GLB1L2: variants seen among roughly 807,000 people sequenced by gnomAD.
GLB1L2 encodes the protein galactosidase beta 1 like 2.
GLB1L2 carries 68 observed loss-of-function variants against 84.1 expected under a neutral mutation model. The observed-to-expected ratio is 0.81, with a 90% CI of 0.67 to 0.99. The LOEUF (loss-of-function observed/expected upper bound fraction) is 0.99. Among genes scored for constraint, GLB1L2 ranks in the 50% least tolerant of loss-of-function variants. GLB1L2 has a pLI of 0.00. For missense variants in GLB1L2, 762 were observed against 805.6 expected, an observed-to-expected ratio of 0.95 and a Z score of 0.66; for synonymous variants, 290 against 318.0, an observed-to-expected ratio of 0.91 and a Z score of 0.94.
chr11:134,346,663 T>A (rs1023954743), intron 4 of GLB1L2: 21 of 152,508 alleles, frequency 1.4e-4, no homozygotes, highest in African/African-American at 4.8e-4. Context: ...CAGAGCCTTT[T>A]GTTAGAAAAT....
intron 8 of GLB1L2, 94 bp from the exon 9 acceptor site, chr11:134,367,163 G>A (rs970388659): frequency 1.9e-6 from 2 of 1,051,426 alleles, no homozygotes; most frequent in Non-Finnish European, 2.9e-6. Context: ...GAAGAGTAGA[G>A]AGGGCAGAGA....
rs1449387448 is a variant in GLB1L2, at chr11:134,334,646, C to T, written c.86+2499C>T. ...GTTTCCATGTACCTCTCTGTCATCC[C>T]TCCCTCCTACTCCTCCCTGCTCCCC... On this transcript the variant is annotated intron_variant, in intron 1 of 18. Transcript: ENST00000535456. The surrounding 1 kb of genome is among the most constrained non-coding windows in gnomAD (Gnocchi z 4.1). Among the ~76,000 whole-genome samples, 1 of 152,098 alleles carries T rather than the reference C, an allele frequency of 6.6e-6. No individual in the cohort carries two copies. The highest frequency in any genetic ancestry group is 1.5e-5 in the Non-Finnish European group (1 of 68,014).
chr11:134,350,861 C>T (rs1030043312), intron 5 of GLB1L2, among the ~76,000 whole-genome samples: 1 of 152,192 alleles, frequency 6.6e-6, no homozygotes, highest in South Asian at 2.1e-4. Flanking sequence ...AAAAACAATG[C>T]ATTTTTGCAC....
chr11:134,332,260 C>A, intron 1 of GLB1L2, 113 bp downstream of exon 1: 1 of 683,572 alleles, frequency 1.5e-6, no homozygotes. Flanking sequence ...GGGAGCAGCC[C>A]CAGCTGCTTC....
At position 134,368,731 on chromosome 11, in the gene GLB1L2, T is replaced by C. The variant is rs372771379; in HGVS notation, c.977T>C (p.Met326Thr). ...MFHGGTNFGFMNGAMHFHDYK... is the reference protein window; with the variant it reads ...MFHGGTNFGFTNGAMHFHDYK... ...CACGGAGGCACCAACTTTGGCTTCATGAATGGAGCCATGCACTTCCATGAC... is the reference window on the plus strand; with the variant it reads ...CACGGAGGCACCAACTTTGGCTTCACGAATGGAGCCATGCACTTCCATGAC... The change falls in exon 10 of 19, where the codon ATG becomes ACG. Residue 326 changes from methionine to threonine, a missense_variant. Transcript: ENST00000535456. The C allele has an allele frequency of 8.7e-6, 14 of 1,613,968 alleles. No homozygotes were observed. The African/African-American group carries it at 1.5e-4, about 17-fold the overall frequency.
At position 134,339,824 on chromosome 11, in the gene GLB1L2, G is replaced by A. The variant is rs1040059845; in HGVS notation, c.87-2930G>A. Among the ~76,000 whole-genome samples the A allele has an allele frequency of 3.3e-5, 5 of 152,102 alleles. No homozygotes were observed. The highest frequency in any genetic ancestry group is 7.3e-5 in the Non-Finnish European group (5 of 68,028). ...GGTTTATGCATTTCTGACAAGCTGC[G>A]GATGAAGACCTGGAAATCTGGTTGG... On this transcript the variant is annotated intron_variant, in intron 1 of 18. Coordinates refer to ENST00000535456, the MANE Select transcript of GLB1L2 (RefSeq NM_001370461.1). The surrounding 1 kb of genome is among the most constrained non-coding windows in gnomAD (Gnocchi z 5.7).
Position 134,370,865 on chromosome 11 carries a change from G to GT in GLB1L2, c.1216-142dup. On this transcript the variant is annotated intron_variant, in intron 12 of 18. Transcript: ENST00000535456. This position sits in a 1 kb window ranked among gnomAD's most constrained non-coding sequence, Gnocchi z 4.7. ...CTCTTCCCCGTCACCCTGGAGAGTT[G>GT]TATGTTTAGTGCAATGAGAAGTCAA... 1 of 901,888 alleles carries GT rather than the reference G, an allele frequency of 1.1e-6. No individual in the cohort carries two copies. Among genetic ancestry groups the GT allele is most frequent in the Non-Finnish European group, 1.7e-6 (1 of 577,994 alleles). The allele number at this position is 901,888 out of a possible 1,614,324, so 55.9% of individuals were successfully genotyped here.
At chr11:134,332,201 G>A (rs1189775748) in intron 1 of GLB1L2, 54 bp downstream of exon 1, 2 of 1,289,604 alleles carry the variant, frequency 1.6e-6, no homozygotes, top group Non-Finnish European at 1.1e-6. Context: ...CCAGCCCTCC[G>A]CACCTCGGGT....
intron 15 of GLB1L2, among the ~76,000 whole-genome samples, chr11:134,373,155 G>A (rs10894802): frequency 0.14 from 21,122 of 152,188 alleles, 1,947 homozygotes; most frequent in East Asian, 0.47. Context: ...TCCCAAGCTA[G>A]CCACTCAGCA....
At position 134,334,070 on chromosome 11, in the gene GLB1L2, C is replaced by T. The variant is rs2136252367; in HGVS notation, c.86+1923C>T. Among the ~76,000 whole-genome samples, 1 of 152,258 alleles carries T rather than the reference C, an allele frequency of 6.6e-6. No homozygotes were observed. The highest frequency in any genetic ancestry group is 2.1e-4 in the South Asian group (1 of 4,828). On this transcript the variant is annotated intron_variant, in intron 1 of 18. Coordinates refer to ENST00000535456, the MANE Select transcript of GLB1L2 (RefSeq NM_001370461.1). The surrounding 1 kb of genome is among the most constrained non-coding windows in gnomAD (Gnocchi z 4.1). ...TGAGTTGCTGTAATATCTCTGGAGGCAGGAGGAGAACATCCTCTTTGTCTT... is the reference window on the plus strand; with the variant it reads ...TGAGTTGCTGTAATATCTCTGGAGGTAGGAGGAGAACATCCTCTTTGTCTT...
At chr11:134,365,794 A>G (rs1407273047) in intron 8 of GLB1L2, among the ~76,000 whole-genome samples, 1 of 152,156 alleles carries the variant, frequency 6.6e-6, no homozygotes, top group Non-Finnish European at 1.5e-5. Context: ...TGTTTAAATC[A>G]AGGGCTCTCT....
chr11:134,336,181 G>A (rs149309682), intron 1 of GLB1L2, among the ~76,000 whole-genome samples: 17 of 152,314 alleles, frequency 1.1e-4, no homozygotes, highest in African/African-American at 3.6e-4. Flanking sequence ...GACACTCAGC[G>A]AAACAGTCAG....
At chr11:134,350,228 C>T (rs1345423709) in intron 5 of GLB1L2, among the ~76,000 whole-genome samples, 1 of 152,160 alleles carries the variant, frequency 6.6e-6, no homozygotes, top group Non-Finnish European at 1.5e-5. Flanking sequence ...GACTGCCTTT[C>T]ATGTTTACCT....
intron 8 of GLB1L2, 75 bp downstream of exon 8, chr11:134,364,473 G>C (rs549252055): frequency 8.4e-7 from 1 of 1,197,026 alleles, no homozygotes; most frequent in African/African-American, 1.5e-5. Context: ...CTGTCAGCGT[G>C]CTCAGCTTCC....
rs956450217 is a variant in GLB1L2 at position 134,338,153 on chromosome 11, C to T, written c.87-4601C>T. On this transcript the variant is annotated intron_variant, in intron 1 of 18. Coordinates refer to ENST00000535456, the MANE Select transcript of GLB1L2 (RefSeq NM_001370461.1). The surrounding 1 kb of genome is among the most constrained non-coding windows in gnomAD (Gnocchi z 6.2). ...GGCACTCCGGATGTTCTGCTGTGCC[C>T]GGTTGCATGGATCCTGGCCTATCTG... Among the ~76,000 whole-genome samples, 18 of 152,138 alleles carry T rather than the reference C, an allele frequency of 1.2e-4. No individual in the cohort carries two copies. Among genetic ancestry groups the T allele is most frequent in the Admixed American group, 7.2e-4 (11 of 15,278 alleles).
intron 5 of GLB1L2, among the ~76,000 whole-genome samples, chr11:134,353,765 T>C (rs1943666827): frequency 6.6e-6 from 1 of 152,216 alleles, no homozygotes; most frequent in Non-Finnish European, 1.5e-5. Context: ...AATTGACCCT[T>C]TTATCATTAT....
chr11:134,357,124 C>CT (rs1943714315), intron 6 of GLB1L2, among the ~76,000 whole-genome samples: 1 of 152,154 alleles, frequency 6.6e-6, no homozygotes, highest in African/African-American at 2.4e-5. Context: ...TGTGGAGTAC[C>CT]TTGGAGGTTC....
chr11:134,345,508 G>A (rs1207809695), intron 4 of GLB1L2, among the ~76,000 whole-genome samples: 2 of 152,096 alleles, frequency 1.3e-5, no homozygotes, highest in African/African-American at 2.4e-5. Context: ...TCTTGCTCTG[G>A]CACTCAGGCT....
At position 134,343,023 on chromosome 11, in the gene GLB1L2, A is replaced by G. The variant is rs1007888364; in HGVS notation, c.284+72A>G. 4.7e-5 allele frequency: 71 copies of G among 1,498,936 alleles called. No individual in the cohort carries two copies. In the East Asian group the frequency reaches 1.1e-3, roughly 23 times the overall value. The allele number at this position is 1,498,936 out of a possible 1,614,324, so 92.9% of individuals were successfully genotyped here. A position where few individuals can be genotyped will look rare whatever the true frequency, so the allele number is the denominator to read the frequency against. On this transcript the variant is annotated intron_variant, in intron 2 of 18. Coordinates refer to ENST00000535456, the MANE Select transcript of GLB1L2 (RefSeq NM_001370461.1). ...GCCTGGTGTCTGCATGCGAAAAAAT[A>G]TAAGAGGAACCGGCCCAGGTCCTCT...
Sources: gnomAD v4.1 joint callset for allele counts (sites outside exome capture counted in the v4.1 genomes callset) on GRCh38, gnomAD v4.1.1 for gene constraint, Gnocchi (gnomAD v3.1) non-coding constraint, MANE v1.5 for transcripts, NCBI Gene and HGNC (gene_info 2026-07-23, HGNC 2026-07-21) for gene names.